PDSS2: variants seen among roughly 807,000 people sequenced by gnomAD.
PDSS2 encodes the protein decaprenyl diphosphate synthase subunit 2.
A neutral mutation model predicts 44.5 loss-of-function variants in PDSS2; 31 were observed. The ratio of observed to expected loss-of-function variants is 0.70; its 90% CI spans 0.52 to 0.94. The LOEUF (loss-of-function observed/expected upper bound fraction) is 0.94. Among genes scored for constraint, PDSS2 ranks in the 40% least tolerant of loss-of-function variants. The probability of loss-of-function intolerance (pLI) is 0.00; values close to 1 mark genes in which losing one functional copy is unlikely to be tolerated. For synonymous variants in PDSS2, 157 were observed against 180.3 expected, an observed-to-expected ratio of 0.87 and a Z score of 1.03; for missense variants, 452 against 482.2, an observed-to-expected ratio of 0.94 and a Z score of 0.59.
intron 1 of PDSS2, among the ~76,000 whole-genome samples, chr6:107,354,232 G>A (rs1311525897): frequency 6.6e-6 from 1 of 152,088 alleles, no homozygotes; most frequent in African/African-American, 2.4e-5. Context: ...TTGCCATGCA[G>A]GGCATATAAC....
intron 2 of PDSS2, among the ~76,000 whole-genome samples, chr6:107,304,115 G>A (rs1776781912): frequency 1.3e-5 from 2 of 151,934 alleles, no homozygotes; most frequent in Admixed American, 1.3e-4. Context: ...CTTTTTTCTT[G>A]AAATGCTTCC....
rs1773724151 is a variant in PDSS2 at position 107,224,608 on chromosome 6, T to TAAAATATATAG, written c.703-12327_703-12326insCTATATATTTT. Among the ~76,000 whole-genome samples the TAAAATATATAG allele has an allele frequency of 1.3e-5, 2 of 151,036 alleles. 1 individual carries two copies. The highest frequency in any genetic ancestry group is 4.9e-5 in the African/African-American group (2 of 40,500). Reference sequence around the variant, plus strand: ...ATATACAGTTAGAGTAAAATATATATAGAGAGAGTAAAATATACATCTTCA... The same window carrying TAAAATATATAG: ...ATATACAGTTAGAGTAAAATATATATAAAATATATAGAGAGAGAGTAAAATATACATCTTCA... On this transcript the variant is annotated intron_variant, in intron 4 of 7. Coordinates refer to ENST00000369037, the MANE Select transcript of PDSS2 (RefSeq NM_020381.4).
intron 6 of PDSS2, among the ~76,000 whole-genome samples, chr6:107,196,478 G>A (rs1562367386): frequency 1.3e-5 from 2 of 152,204 alleles, no homozygotes; most frequent in African/African-American, 4.8e-5. Context: ...ATCTGACATT[G>A]AGGCTGATCC....
At chr6:107,426,652 C>T (rs952568674) in intron 1 of PDSS2, among the ~76,000 whole-genome samples, 5 of 152,208 alleles carry the variant, frequency 3.3e-5, no homozygotes, top group African/African-American at 1.2e-4. Context: ...CCTGCAAAGC[C>T]ACAGGGGCAG....
intron 1 of PDSS2, among the ~76,000 whole-genome samples, chr6:107,360,238 T>C (rs1266787009): frequency 6.6e-6 from 1 of 152,184 alleles, no homozygotes; most frequent in Non-Finnish European, 1.5e-5. Context: ...CTACAAAATA[T>C]ATGAAGAGGA....
At chr6:107,213,718 C>T (rs186488756) in intron 4 of PDSS2, among the ~76,000 whole-genome samples, 389 of 152,232 alleles carry the variant, frequency 2.6e-3, no homozygotes, top group African/African-American at 9.2e-3. Flanking sequence ...GATTGCACCC[C>T]TGCACTCCAG....
chr6:107,363,513 C>T (rs1338740126), intron 1 of PDSS2, among the ~76,000 whole-genome samples: 2 of 152,000 alleles, frequency 1.3e-5, no homozygotes, highest in Non-Finnish European at 2.9e-5. Context: ...CCGGTGGGCT[C>T]GTGGTCTCGC....
intron 1 of PDSS2, among the ~76,000 whole-genome samples, chr6:107,425,663 G>C (rs1780975769): frequency 6.6e-6 from 1 of 152,190 alleles, no homozygotes; most frequent in Admixed American, 6.5e-5. Flanking sequence ...TTTGCAGCCT[G>C]ACAATGCAAT....
chr6:107,215,722 A>G (rs192916135), intron 4 of PDSS2, among the ~76,000 whole-genome samples: 7 of 152,344 alleles, frequency 4.6e-5, no homozygotes, highest in African/African-American at 1.4e-4. Flanking sequence ...TCTAAAATTA[A>G]TAATTTATTA....
At chr6:107,402,479 C>CAT (rs35496296) in intron 1 of PDSS2, among the ~76,000 whole-genome samples, 11,320 of 41,612 alleles carry the variant, frequency 0.27, 1,683 homozygotes, top group African/African-American at 0.37. Flanking sequence ...TATATGTATA[C>CAT]ATATATACGT....
intron 1 of PDSS2, among the ~76,000 whole-genome samples, chr6:107,336,544 A>G (rs1420573177): frequency 6.6e-6 from 1 of 152,174 alleles, no homozygotes; most frequent in Non-Finnish European, 1.5e-5. Flanking sequence ...AATAATCATC[A>G]GAAATGTCCC....
At chr6:107,346,401 C>T (rs1474162049) in intron 1 of PDSS2, among the ~76,000 whole-genome samples, 1 of 152,204 alleles carries the variant, frequency 6.6e-6, no homozygotes, top group Non-Finnish European at 1.5e-5. Context: ...GATCAGGATA[C>T]TGAGGCTCAT....
chr6:107,264,148 G>T, intron 3 of PDSS2: 2 of 648,286 alleles, frequency 3.1e-6, no homozygotes, highest in African/African-American at 1.9e-5. Flanking sequence ...ACATGAATTT[G>T]GAAGTAAAAT....
At chr6:107,367,837 A>G (rs567984999) in intron 1 of PDSS2, among the ~76,000 whole-genome samples, 1 of 151,302 alleles carries the variant, frequency 6.6e-6, no homozygotes, top group Admixed American at 6.6e-5. Flanking sequence ...AGACATCCAG[A>G]TAGTAAAAGG....
In PDSS2 at chr6:107,248,397, T is replaced by C. The variant is rs17269135; in HGVS notation, c.631-2778A>G. Reference sequence around the variant, plus strand: ...CTTGAGAAAGATTCCAGGACTTTTGTTTCTCAGGCCCATGGGGCAAGCAAA... The same window carrying C: ...CTTGAGAAAGATTCCAGGACTTTTGCTTCTCAGGCCCATGGGGCAAGCAAA... On this transcript the variant is annotated intron_variant, in intron 3 of 7. Coordinates refer to ENST00000369037, the MANE Select transcript of PDSS2 (RefSeq NM_020381.4). Among the ~76,000 whole-genome samples the C allele has an allele frequency of 3.9e-3, 598 of 151,648 alleles. 2 individuals are homozygous for C. Among genetic ancestry groups the C allele is most frequent in the Non-Finnish European group, 6.4e-3 (435 of 67,914 alleles).
At chr6:107,238,047 A>G (rs553902094) in intron 4 of PDSS2, among the ~76,000 whole-genome samples, 2 of 152,192 alleles carry the variant, frequency 1.3e-5, no homozygotes, top group African/African-American at 4.8e-5. Context: ...AATAGATGGG[A>G]TCTTTGCAAC....
chr6:107,240,093 G>A (rs1309767166), intron 4 of PDSS2, among the ~76,000 whole-genome samples: 2 of 151,996 alleles, frequency 1.3e-5, no homozygotes, highest in Non-Finnish European at 2.9e-5. Context: ...AGCTTAACTG[G>A]GGAACTCTTG....
intron 1 of PDSS2, among the ~76,000 whole-genome samples, chr6:107,448,747 A>G (rs1455456152): frequency 6.6e-6 from 1 of 152,168 alleles, no homozygotes; most frequent in East Asian, 1.9e-4. Context: ...GTCTGTTCTC[A>G]CATTGCTCTA....
chr6:107,181,889 C>CA lies in PDSS2; in HGVS notation c.1041+11932dup, dbSNP rs35752637. On this transcript the variant is annotated intron_variant, in intron 7 of 7. Coordinates refer to ENST00000369037, the MANE Select transcript of PDSS2 (RefSeq NM_020381.4). The stretch of plus-strand genomic sequence containing the variant: ...TGGGTGACAGAGCAAGACTCTGTCT[C>CA]AAAAAAAAAAAAAAAAAAATTATTT... Among the ~76,000 whole-genome samples, 251 of 111,302 alleles carry CA rather than the reference C, an allele frequency of 2.3e-3. 1 individual carries two copies. The highest frequency in any genetic ancestry group is 2.4e-3 in the Admixed American group (27 of 11,212). 73.0% of individuals were successfully genotyped at this position (111,302 alleles called of 152,430 possible). A position where few individuals can be genotyped will look rare whatever the true frequency, so the allele number is the denominator to read the frequency against.
Sources: gnomAD v4.1 joint callset for allele counts (sites outside exome capture counted in the v4.1 genomes callset) on GRCh38, gnomAD v4.1.1 for gene constraint, MANE v1.5 for transcripts, NCBI Gene and HGNC (gene_info 2026-07-23, HGNC 2026-07-21) for gene names.